Variants in MSH4 observed in about 807,000 individuals in gnomAD.
MSH4 encodes the protein mutS homolog 4.
Under a neutral mutation model 113.7 loss-of-function variants are expected in MSH4, and 106 were observed. The ratio of observed to expected loss-of-function variants is 0.93; its 90% CI spans 0.80 to 1.10. The LOEUF (loss-of-function observed/expected upper bound fraction) is 1.10. MSH4 is among the 50% of genes least tolerant of loss of function. The probability of loss-of-function intolerance (pLI) is 0.00; values close to 1 mark genes in which losing one functional copy is unlikely to be tolerated. For synonymous variants in MSH4, 368 were observed against 380.2 expected (o/e 0.97, Z 0.37); for missense variants, 1,061 against 1,093.7 (o/e 0.97, Z 0.42).
chr1:75,825,018 A>T (rs1436451348), intron 7 of MSH4, among the ~76,000 whole-genome samples: 1 of 151,558 alleles, frequency 6.6e-6, no homozygotes, highest in Non-Finnish European at 1.5e-5. Flanking sequence ...ATGGTAGCTA[A>T]ATGGGAATAA....
rs965006771 is a variant in MSH4 at position 75,807,208 on chromosome 1, C to T, written c.588+67C>T. On this transcript the variant is annotated intron_variant, in intron 3 of 19. Transcript: ENST00000263187. ...AGTATCTAGAGTTTAAAGTCAGTGC[C>T]TTCCCAATTTGTTTACTTTTTGGTA... 4 of 1,285,086 alleles carry T rather than the reference C, an allele frequency of 3.1e-6. No homozygotes were observed. The African/African-American group carries it at 6.2e-5, about 20-fold the overall frequency. 79.6% of individuals were successfully genotyped at this position (1,285,086 alleles called of 1,614,324 possible).
intron 6 of MSH4, among the ~76,000 whole-genome samples, chr1:75,818,559 G>A (rs1396880840): frequency 6.6e-6 from 1 of 152,132 alleles, no homozygotes; most frequent in African/African-American, 2.4e-5. Context: ...GAACAATTGT[G>A]GGTACATACT....
intron 7 of MSH4, among the ~76,000 whole-genome samples, chr1:75,824,062 A>G (rs1028490315): frequency 1.3e-5 from 2 of 152,136 alleles, no homozygotes; most frequent in Non-Finnish European, 2.9e-5. Flanking sequence ...ACTGTCTTCC[A>G]CAATGGTTGA....
chr1:75,908,810 G>T (rs1652725911), intron 19 of MSH4, among the ~76,000 whole-genome samples: 1 of 152,126 alleles, frequency 6.6e-6, no homozygotes, highest in Non-Finnish European at 1.5e-5. Flanking sequence ...GCACTAGATG[G>T]CACCTTAAGC....
chr1:75,853,124 G>A (rs756581189), intron 8 of MSH4, among the ~76,000 whole-genome samples: 1 of 152,136 alleles, frequency 6.6e-6, no homozygotes, highest in Non-Finnish European at 1.5e-5. Flanking sequence ...GAATGCAGTG[G>A]TGTAATCTCG....
chr1:75,884,359 A>G (rs1302347123), intron 15 of MSH4, among the ~76,000 whole-genome samples: 1 of 152,026 alleles, frequency 6.6e-6, no homozygotes, highest in Non-Finnish European at 1.5e-5. Context: ...ATTGTTACCT[A>G]TTTCTTAATA....
chr1:75,878,219 A>C lies in MSH4; in HGVS notation c.1441A>C (p.Asn481His), dbSNP rs781043772. 6.2e-7 allele frequency: 1 copy of C among 1,609,918 alleles called. No homozygotes were observed. Among genetic ancestry groups the C allele is most frequent in the East Asian group, 2.2e-5 (1 of 44,780 alleles). The part of the protein sequence containing the change: ...DDARYMKGCL[N>H]MRTQKCYAVR... ...TGCAAGATACATGAAAGGATGCCTA[A>C]ACATGAGGACTCAGAAGTGCTATGC... Residue 481 changes from asparagine (N) to histidine (H), a missense_variant, in exon 11 of 20, where the codon AAC (asparagine) becomes CAC (histidine). Coordinates refer to ENST00000263187, the MANE Select transcript of MSH4 (RefSeq NM_002440.4).
At chr1:75,809,808 G>C (rs1180669477) in intron 3 of MSH4, among the ~76,000 whole-genome samples, 1 of 151,800 alleles carries the variant, frequency 6.6e-6, no homozygotes, top group African/African-American at 2.4e-5. Flanking sequence ...ACACCACCAA[G>C]CCTGGCTAAT....
chr1:75,822,607 AAAT>A (rs762262360), intron 7 of MSH4, 26 bp downstream of exon 7: 1 of 1,190,816 alleles, frequency 8.4e-7, no homozygotes, highest in South Asian at 2.0e-5. Flanking sequence ...TTAATATTAT[AAAT>A]ACAAATTATT....
At chr1:75,809,411 A>G (rs1336945384) in intron 3 of MSH4, among the ~76,000 whole-genome samples, 1 of 152,100 alleles carries the variant, frequency 6.6e-6, no homozygotes, top group Non-Finnish European at 1.5e-5. Context: ...TAGGTATTTT[A>G]TACATTTTTA....
At chr1:75,818,242 A>G (rs1204842015) in intron 6 of MSH4, among the ~76,000 whole-genome samples, 2 of 152,176 alleles carry the variant, frequency 1.3e-5, no homozygotes, top group South Asian at 2.1e-4. Flanking sequence ...TTACATTTAC[A>G]ATAGAATCCA....
intron 12 of MSH4, 152 bp downstream of exon 12, chr1:75,879,280 C>T (rs1189864828): frequency 2.6e-5 from 17 of 663,464 alleles, no homozygotes; most frequent in East Asian, 2.3e-4. Flanking sequence ...ATGTACTAAT[C>T]TAAGAGTGAT....
chr1:75,890,376 A>G (rs949849010), intron 16 of MSH4, among the ~76,000 whole-genome samples: 2 of 152,076 alleles, frequency 1.3e-5, no homozygotes, highest in Non-Finnish European at 2.9e-5. Flanking sequence ...GAAAATGACC[A>G]TCTTTGTGCT....
intron 19 of MSH4, among the ~76,000 whole-genome samples, chr1:75,906,720 C>A (rs559452371): frequency 2.7e-5 from 4 of 148,232 alleles, no homozygotes; most frequent in Non-Finnish European, 5.9e-5. Context: ...ACACTCCGTA[C>A]TTTAACTTCA....
chr1:75,896,390 CA>C (rs1274267177), intron 17 of MSH4, among the ~76,000 whole-genome samples: 1 of 127,752 alleles, frequency 7.8e-6, no homozygotes, highest in African/African-American at 2.8e-5. Context: ...CACACACACA[CA>C]CACCCTATTG....
chr1:75,833,097 C>G (rs1481695391), intron 7 of MSH4, among the ~76,000 whole-genome samples: 1 of 152,144 alleles, frequency 6.6e-6, no homozygotes, highest in African/African-American at 2.4e-5. Flanking sequence ...TCTCTGGACA[C>G]AAAATCAATG....
chr1:75,854,483 A>G (rs1289544894), intron 8 of MSH4, among the ~76,000 whole-genome samples: 1 of 152,074 alleles, frequency 6.6e-6, no homozygotes, highest in Non-Finnish European at 1.5e-5. Context: ...CTCTTGCATG[A>G]ATAACCTCCT....
At chr1:75,809,629 C>CTTTTTTTTTTT (rs35082709) in intron 3 of MSH4, among the ~76,000 whole-genome samples, 1 of 96,046 alleles carries the variant, frequency 1.0e-5, no homozygotes, top group Non-Finnish European at 2.1e-5. Context: ...CATAGTTACC[C>CTTTTTTTTTTT]TTTTTTTTTT....
chr1:75,842,699 T>A (rs1276634353), intron 7 of MSH4, among the ~76,000 whole-genome samples: 1 of 152,184 alleles, frequency 6.6e-6, no homozygotes, highest in African/African-American at 2.4e-5. Flanking sequence ...GAGGGCTCCT[T>A]GGTCTAGTGG....
Sources: allele counts gnomAD v4.1 joint callset (sites outside exome capture counted in the v4.1 genomes callset), GRCh38; gene constraint gnomAD v4.1.1; transcripts MANE v1.5; gene names NCBI Gene and HGNC (gene_info 2026-07-23, HGNC 2026-07-21).